Variants in DNAH12 observed in about 807,000 individuals in gnomAD.
The protein encoded by DNAH12 is axonemal beta dynein heavy chain 12.
DNAH12 carries 285 observed loss-of-function variants against 371.5 expected under a neutral mutation model. The ratio of observed to expected loss-of-function variants is 0.77; its 90% CI spans 0.70 to 0.85. The LOEUF is 0.85. DNAH12 is among the 40% of genes least tolerant of loss of function. The pLI, the probability that DNAH12 is intolerant of heterozygous loss-of-function variation, is 0.00. For missense variants in DNAH12, 3,611 were observed against 3,689.4 expected, an observed-to-expected ratio of 0.98 and a Z score of 0.55; for synonymous variants, 1,200 against 1,213.0, an observed-to-expected ratio of 0.99 and a Z score of 0.22.
intron 11 of DNAH12, among the ~76,000 whole-genome samples, chr3:57,490,722 G>A (rs1012616646): frequency 2.0e-5 from 3 of 151,880 alleles, no homozygotes; most frequent in African/African-American, 7.3e-5. Context: ...AAATTTTTCA[G>A]TGTTCAAGGG....
chr3:57,397,262 T>C (rs2063761964), intron 43 of DNAH12, among the ~76,000 whole-genome samples: 1 of 152,096 alleles, frequency 6.6e-6, no homozygotes, highest in East Asian at 1.9e-4. Context: ...CTTTAGAAAC[T>C]AGTTAAGTGG....
At chr3:57,434,863 T>A (rs2065070618) in intron 30 of DNAH12, among the ~76,000 whole-genome samples, 2 of 151,820 alleles carry the variant, frequency 1.3e-5, no homozygotes, top group African/African-American at 4.8e-5. Context: ...AACAAAGAAA[T>A]GAGCCCAGAA....
chr3:57,348,336 A>C (rs1304997757), intron 60 of DNAH12, among the ~76,000 whole-genome samples: 1 of 152,194 alleles, frequency 6.6e-6, no homozygotes, highest in Non-Finnish European at 1.5e-5. Flanking sequence ...CAAAAGAATC[A>C]GTGATTGGCA....
intron 29 of DNAH12, among the ~76,000 whole-genome samples, chr3:57,438,758 G>C (rs2065211046): frequency 1.3e-5 from 2 of 151,868 alleles, no homozygotes; most frequent in South Asian, 4.2e-4. Context: ...TTCAAGACCA[G>C]CCTGGCCAAC....
chr3:57,334,860 G>A lies in DNAH12; in HGVS notation c.9755C>T (p.Pro3252Leu). The change falls in exon 61 of 74, where the codon CCT becomes CTT. Residue 3252 changes from proline to leucine, a missense_variant. By Grantham distance (98) the Pro-to-Leu change is moderately conservative. Coordinates refer to ENST00000495027, the MANE Select transcript of DNAH12 (RefSeq NM_001366028.2). ...GVSLKSAEKN[P>L]DPTWLQDKSW... ...TTTGTCCTGTAGCCAAGTTGGATCA[G>A]GATTTTTCTCAGCACTTTTAAGACT... 6.4e-7 allele frequency: 1 copy of A among 1,551,860 alleles called. No individual in the cohort carries two copies. The highest frequency in any genetic ancestry group is 8.7e-7 in the Non-Finnish European group (1 of 1,147,038).
intron 15 of DNAH12, 115 bp downstream of exon 15, chr3:57,471,357 A>T: frequency 1.1e-6 from 1 of 904,600 alleles, no homozygotes; most frequent in Non-Finnish European, 1.5e-6. Flanking sequence ...AGAAAAATAT[A>T]GAGTAAACAT....
At chr3:57,359,738 T>C (rs1559586596) in intron 58 of DNAH12, among the ~76,000 whole-genome samples, 1 of 152,016 alleles carries the variant, frequency 6.6e-6, no homozygotes, top group African/African-American at 2.4e-5. Context: ...GGAGTAGCAG[T>C]AGGGGTAAAT....
chr3:57,331,567 C>A (rs2062096329), intron 62 of DNAH12, among the ~76,000 whole-genome samples: 1 of 152,084 alleles, frequency 6.6e-6, no homozygotes, highest in Non-Finnish European at 1.5e-5. Context: ...CTGTTTAAAT[C>A]TACCCAGAGA....
chr3:57,407,036 C>A (rs187772437), intron 40 of DNAH12, among the ~76,000 whole-genome samples: 5 of 151,924 alleles, frequency 3.3e-5, no homozygotes, highest in Non-Finnish European at 7.4e-5. Flanking sequence ...GTAGCTGGGA[C>A]TACAGGTGCA....
chr3:57,299,889 A>C (rs1393498345), intron 70 of DNAH12, among the ~76,000 whole-genome samples: 3 of 152,180 alleles, frequency 2.0e-5, no homozygotes, highest in African/African-American at 7.2e-5. Flanking sequence ...CGATAGGGTG[A>C]ACAGTGAGAG....
In DNAH12 at chr3:57,446,053, G is replaced by A. The variant is rs1294614701; in HGVS notation, c.4157C>T (p.Ser1386Phe). ...TACCTTAAGATTGTCCGGCAATTCA[G>A]AGCGTCCTGCATAGCCAGGATTCAT... ...ITMNPGYAGR[S>F]ELPDNLKVLF... The change falls in exon 27 of 74, where the codon TCT becomes TTT. Residue 1386 changes from serine to phenylalanine, a missense_variant. Physicochemically the swap from Ser to Phe is radical, Grantham distance 155 (BLOSUM62 -2). Transcript: ENST00000495027. 2 of 1,550,070 alleles carry A rather than the reference G, an allele frequency of 1.3e-6. No homozygotes were observed. The highest frequency in any genetic ancestry group is 1.7e-6 in the Non-Finnish European group (2 of 1,146,296).
upstream of DNAH12, among the ~76,000 whole-genome samples, chr3:57,548,081 T>G (rs2069592078): frequency 6.6e-6 from 1 of 152,220 alleles, no homozygotes; most frequent in East Asian, 1.9e-4. Flanking sequence ...ACAACAATGA[T>G]GCGATTGACA....
intron 28 of DNAH12, 27 bp from the exon 29 acceptor site, chr3:57,444,843 T>C (rs1396892213): frequency 7.2e-6 from 11 of 1,530,850 alleles, no homozygotes; most frequent in Non-Finnish European, 9.7e-6. Flanking sequence ...AGTACAATGT[T>C]AAGTTAGTTG....
At chr3:57,535,020 C>T (rs74776488) in intron 2 of DNAH12, among the ~76,000 whole-genome samples, 11,979 of 152,210 alleles carry the variant, frequency 0.079, 1,627 homozygotes, top group African/African-American at 0.27. Flanking sequence ...TTAATTCTCA[C>T]AACATTCCTA....
chr3:57,323,302 A>G lies in DNAH12; in HGVS notation c.10130-42T>C, dbSNP rs774814578. 3 of 1,527,298 alleles carry G rather than the reference A, an allele frequency of 2.0e-6. No homozygotes were observed. In the South Asian group the frequency reaches 3.7e-5, roughly 19 times the overall value. 94.6% of individuals were successfully genotyped at this position (1,527,298 alleles called of 1,614,324 possible). On this transcript the variant is annotated intron_variant, in intron 63 of 73. Transcript: ENST00000495027. ...AAAATGGTCACACTACTTACTCTAAAATTATAAAAAAGTGCCTTATGTATA... is the reference window on the plus strand; with the variant it reads ...AAAATGGTCACACTACTTACTCTAAGATTATAAAAAAGTGCCTTATGTATA...
chr3:57,466,267 T>C (rs1176791364), intron 17 of DNAH12, among the ~76,000 whole-genome samples: 1 of 152,224 alleles, frequency 6.6e-6, no homozygotes. Context: ...CATTGTTATA[T>C]ATGTAATAAA....
chr3:57,301,791 G>A lies in DNAH12; in HGVS notation c.11338C>T (p.Leu3780Phe). The A allele has an allele frequency of 6.4e-7, 1 of 1,551,290 alleles. No homozygotes were observed. Among genetic ancestry groups the A allele is most frequent in the Non-Finnish European group, 8.7e-7 (1 of 1,146,948 alleles). ...EIWAKRSYPS[L>F]KPLGSYITDF... ...GTGATGTAACTTCCCAGGGGCTTAAGGCTTGGGTATGAACGTTTGGCCCAT... is the reference window on the plus strand; with the variant it reads ...GTGATGTAACTTCCCAGGGGCTTAAAGCTTGGGTATGAACGTTTGGCCCAT... The change falls in exon 70 of 74, where the codon CTT becomes TTT. Residue 3780 changes from leucine (L) to phenylalanine (F), a missense_variant. Coordinates refer to ENST00000495027, the MANE Select transcript of DNAH12 (RefSeq NM_001366028.2).
At chr3:57,366,674 T>C (rs1398363285) in intron 57 of DNAH12, 55 bp downstream of exon 57, 4 of 152,234 alleles carry the variant, frequency 2.6e-5, no homozygotes, top group African/African-American at 9.6e-5. Flanking sequence ...TAAATATTAA[T>C]GACCTACAAA....
At chr3:57,397,582 G>A (rs2063771502) in intron 43 of DNAH12, among the ~76,000 whole-genome samples, 3 of 152,306 alleles carry the variant, frequency 2.0e-5, no homozygotes, top group Admixed American at 1.3e-4. Context: ...GGTTAGAGCA[G>A]CAGAAGCTGC....
Sources: gnomAD v4.1 joint callset for allele counts (sites outside exome capture counted in the v4.1 genomes callset) on GRCh38, gnomAD v4.1.1 for gene constraint, MANE v1.5 for transcripts, NCBI Gene and HGNC (gene_info 2026-07-23, HGNC 2026-07-21) for gene names.